MCM4: variants seen among roughly 807,000 people sequenced by gnomAD.
MCM4 encodes the protein DNA replication licensing factor MCM4.
Under a neutral mutation model 88.7 loss-of-function variants are expected in MCM4, and 60 were observed. That is an observed-to-expected ratio of 0.68 (90% CI 0.55 to 0.84). MCM4 has a LOEUF of 0.84. Ranked by LOEUF, MCM4 falls within the 40% of genes least tolerant of loss-of-function variation. MCM4 has a pLI of 0.00. For synonymous variants in MCM4, 465 were observed against 410.5 expected (o/e 1.13, Z -1.61); for missense variants, 1,149 against 1,105.5 (o/e 1.04, Z -0.56).
At chr8:47,963,504 T>C (rs2090867430) in intron 7 of MCM4, among the ~76,000 whole-genome samples, 1 of 152,178 alleles carries the variant, frequency 6.6e-6, no homozygotes. Flanking sequence ...CATTTTTTTT[T>C]CACATTTTAA....
intron 14 of MCM4, among the ~76,000 whole-genome samples, chr8:47,973,529 G>C (rs1563835730): frequency 6.8e-6 from 1 of 146,086 alleles, no homozygotes; most frequent in Non-Finnish European, 1.5e-5. Context: ...GTCTCGCTGT[G>C]TCCCCCAGGC....
At chr8:47,963,874 C>T (rs997414921) in intron 7 of MCM4, among the ~76,000 whole-genome samples, 2 of 152,160 alleles carry the variant, frequency 1.3e-5, no homozygotes, top group Non-Finnish European at 2.9e-5. Flanking sequence ...AAAGCTGTTT[C>T]CTCATCTGTA....
chr8:47,969,071 T>C (rs900251981), intron 10 of MCM4: 9 of 152,220 alleles, frequency 5.9e-5, no homozygotes, highest in African/African-American at 2.2e-4. Context: ...AACCCAGCAT[T>C]GAGCTAGAAG....
chr8:47,964,756 CT>C, intron 8 of MCM4, 44 bp downstream of exon 8: 1 of 1,485,532 alleles, frequency 6.7e-7, no homozygotes. Flanking sequence ...AGGAAAATGC[CT>C]TACATGAAAA....
At chr8:47,972,494 C>A (rs1344558819) in intron 13 of MCM4, among the ~76,000 whole-genome samples, 3 of 152,072 alleles carry the variant, frequency 2.0e-5, no homozygotes, top group African/African-American at 7.2e-5. Context: ...GTCTTTAGTA[C>A]GTCGTTTGTA....
chr8:47,968,192 T>C (rs1287018314), intron 10 of MCM4, among the ~76,000 whole-genome samples: 15 of 151,656 alleles, frequency 9.9e-5, no homozygotes, highest in Admixed American at 9.8e-4. Context: ...TCTTCATTGA[T>C]GGGCAAGGTG....
At chr8:47,974,624 A>G (rs2090985201) in intron 14 of MCM4, 110 bp from the exon 15 acceptor site, 1 of 819,394 alleles carries the variant, frequency 1.2e-6, no homozygotes. Flanking sequence ...CCAGGACCAT[A>G]TCTGAGTTCC....
chr8:47,976,785 G>A lies in MCM4; in HGVS notation c.*7G>A. The A allele has an allele frequency of 1.9e-6, 3 of 1,587,070 alleles. No individual in the cohort carries two copies. The highest frequency in any genetic ancestry group is 2.6e-6 in the Non-Finnish European group (3 of 1,155,688). On this transcript the variant is annotated 3_prime_UTR_variant, in exon 17 of 17. Transcript: ENST00000649973. Reference sequence around the variant, plus strand: ...GACCGTGCGCTTGCTCTGAAGCCTTGTGAGCAAGGAAGGCTCCCTGCATGT... The same window carrying A: ...GACCGTGCGCTTGCTCTGAAGCCTTATGAGCAAGGAAGGCTCCCTGCATGT...
intron 7 of MCM4, among the ~76,000 whole-genome samples, chr8:47,963,243 G>A (rs138023109): frequency 2.6e-5 from 4 of 152,176 alleles, no homozygotes; most frequent in Non-Finnish European, 5.9e-5. Context: ...ACTTGAGGTC[G>A]GAAGTTTGAG....
chr8:47,969,535 G>A, intron 10 of MCM4: 1 of 484,444 alleles, frequency 2.1e-6, no homozygotes, highest in Middle Eastern at 5.7e-4. Flanking sequence ...TAGGATTACA[G>A]ACATGAGCCA....
At position 47,964,594 on chromosome 8, in the gene MCM4, C is replaced by T. The variant is rs924803520; in HGVS notation, c.714C>T (p.Asp238=). Reference sequence around the variant, plus strand: ...TACAGGAAGTTATTCCAACTTTTGACATGGCTGTCAATGAAATCTTCTTTG... The same window carrying T: ...TACAGGAAGTTATTCCAACTTTTGATATGGCTGTCAATGAAATCTTCTTTG... The part of the protein sequence containing the change: ...SYPQEVIPTF[D]MAVNEIFFDR... The change falls in exon 8 of 17, where the codon GAC becomes GAT. Residue 238 remains aspartate, a synonymous_variant. Coordinates refer to ENST00000649973, the MANE Select transcript of MCM4 (RefSeq NM_182746.3). The T allele has an allele frequency of 1.9e-5, 30 of 1,595,424 alleles. No homozygotes were observed. The highest frequency in any genetic ancestry group is 2.6e-5 in the Non-Finnish European group (30 of 1,175,218).
intron 7 of MCM4, 73 bp from the exon 8 acceptor site, chr8:47,964,501 T>G (rs1343709295): frequency 8.4e-7 from 1 of 1,194,438 alleles, no homozygotes; most frequent in Non-Finnish European, 1.2e-6. Flanking sequence ...TATACTTTGC[T>G]AATCTGACAT....
At chr8:47,962,670 TC>T in intron 5 of MCM4, 93 bp from the exon 6 acceptor site, 1 of 764,116 alleles carries the variant, frequency 1.3e-6, no homozygotes, top group Non-Finnish European at 2.2e-6. Context: ...TATTTCTGTC[TC>T]CTGATAGTGA....
At chr8:47,967,203 T>C (rs1020925256) in intron 9 of MCM4, among the ~76,000 whole-genome samples, 162 bp from the exon 10 acceptor site, 4 of 152,248 alleles carry the variant, frequency 2.6e-5, no homozygotes, top group Admixed American at 6.5e-5. Context: ...GCAACTTCTT[T>C]AGAAGAAGTA....
At chr8:47,964,337 C>T (rs2154505075) in intron 7 of MCM4, among the ~76,000 whole-genome samples, 1 of 152,276 alleles carries the variant, frequency 6.6e-6, no homozygotes, top group African/African-American at 2.4e-5. Context: ...AAAGAATATG[C>T]CAGTATACAT....
In MCM4 at chr8:47,970,532, G is replaced by C; in HGVS notation, c.1456G>C (p.Gly486Arg). The change falls in exon 12 of 17, where the codon GGC (glycine) becomes CGC (arginine). Residue 486 changes from glycine to arginine, a missense_variant. Physicochemically the swap from Gly to Arg is moderately radical, Grantham distance 125. Coordinates refer to ENST00000649973, the MANE Select transcript of MCM4 (RefSeq NM_182746.3). ...IKKGILLQLF[G>R]GTRKDFSHTG... ...TTAGGGAATTTTGCTTCAGCTCTTT[G>C]GCGGGACAAGGAAGGATTTTAGTCA... The C allele has an allele frequency of 6.2e-7, 1 of 1,601,394 alleles. No homozygotes were observed. The highest frequency in any genetic ancestry group is 8.5e-7 in the Non-Finnish European group (1 of 1,170,042).
In MCM4 at chr8:47,962,304, GGCA is replaced by G. The variant is rs746611048; in HGVS notation, c.407_409del (p.Ala136del). ...TGATTCTGTCATGTTTTTCTGTGTA[GGCA>G]GCAGCAGAAGATATAGTGGCAAGTG... On this transcript the variant is annotated inframe_deletion and splice_region_variant, in exon 5 of 17. Transcript: ENST00000649973. 6.2e-7 allele frequency: 1 copy of G among 1,614,152 alleles called. No homozygotes were observed. The highest frequency in any genetic ancestry group is 1.7e-5 in the Admixed American group (1 of 60,030).
At position 47,970,651 on chromosome 8, in the gene MCM4, C is replaced by A; in HGVS notation, c.1575C>A (p.Asn525Lys). 3 of 1,614,192 alleles carry A rather than the reference C, an allele frequency of 1.9e-6. No individual in the cohort carries two copies. The highest frequency in any genetic ancestry group is 2.5e-6 in the Non-Finnish European group (3 of 1,180,044). Reference protein sequence around the residue: ...SKSQLLQYVYNLVPRGQYTSG... With the variant: ...SKSQLLQYVYKLVPRGQYTSG... ...CCCAGCTGCTGCAGTACGTGTACAACCTCGTCCCCAGGGGCCAGTACACGT... is the reference window on the plus strand; with the variant it reads ...CCCAGCTGCTGCAGTACGTGTACAAACTCGTCCCCAGGGGCCAGTACACGT... Residue 525 changes from asparagine (N) to lysine (K), a missense_variant, in exon 12 of 17, where the codon AAC becomes AAA. By Grantham distance (94) the Asn-to-Lys change is moderately conservative. This residue lies in a region of MCM4 where 906 missense variants were observed against 843.0 expected (regional missense o/e 1.07). Transcript: ENST00000649973.
rs188173118 is a variant in MCM4 at position 47,968,044 on chromosome 8, G to A, written c.1174+559G>A. ...AGATGCCACGGTAAATCAGAACCCA[G>A]GACCCAGGTCTCCTTCTCTTGCTGC... On this transcript the variant is annotated intron_variant, in intron 10 of 16. Transcript: ENST00000649973. Among the ~76,000 whole-genome samples, 67 of 152,316 alleles carry A rather than the reference G, an allele frequency of 4.4e-4. 2 individuals are homozygous for A. Among genetic ancestry groups the A allele is most frequent in the Admixed American group, 5.9e-4 (9 of 15,302 alleles).
Sources: gnomAD v4.1 joint callset for allele counts (sites outside exome capture counted in the v4.1 genomes callset) on GRCh38, gnomAD v4.1.1 for gene constraint, gnomAD v4.1.1 regional missense constraint, MANE v1.5 for transcripts, NCBI Gene and HGNC (gene_info 2026-07-23, HGNC 2026-07-21) for gene names.